Variants in TBCK observed in about 807,000 individuals in gnomAD.
TBCK encodes the protein TBC domain-containing protein kinase-like protein.
A neutral mutation model predicts 113.4 loss-of-function variants in TBCK; 99 were observed. The ratio of observed to expected loss-of-function variants is 0.87; its 90% CI spans 0.74 to 1.03. TBCK has a LOEUF of 1.03. TBCK is among the 50% of genes least tolerant of loss of function. The probability of loss-of-function intolerance (pLI) is 0.00; values close to 1 mark genes in which losing one functional copy is unlikely to be tolerated. For missense variants in TBCK, 1,045 were observed against 1,061.3 expected, an observed-to-expected ratio of 0.98 and a Z score of 0.21; for synonymous variants, 369 against 370.8, an observed-to-expected ratio of 1.00 and a Z score of 0.05.
chr4:106,278,125 G>T (rs536930279), intron 3 of TBCK, among the ~76,000 whole-genome samples: 26 of 152,136 alleles, frequency 1.7e-4, no homozygotes, highest in Non-Finnish European at 3.2e-4. Context: ...AGTAAATAAG[G>T]TAATATGAAG....
In TBCK at chr4:106,316,066, A is replaced by G. The variant is rs1168336241; in HGVS notation, c.-165T>C. The G allele has an allele frequency of 5.9e-5, 9 of 153,802 alleles. No homozygotes were observed. The allele number at this position is 153,802 out of a possible 1,614,324, so 9.5% of individuals were successfully genotyped here. A position where few individuals can be genotyped will look rare whatever the true frequency, so the allele number is the denominator to read the frequency against. On this transcript the variant is annotated 5_prime_UTR_variant, in exon 1 of 26. Coordinates refer to ENST00000394708, the MANE Select transcript of TBCK (RefSeq NM_001163435.3). ...GACGCTGCATTTCAGGTGCTCCTAC[A>G]AAAGAGGCCACTCCTGGAACGCCGG...
intron 24 of TBCK, among the ~76,000 whole-genome samples, chr4:106,114,031 T>C (rs1364898646): frequency 6.6e-6 from 1 of 152,228 alleles, no homozygotes; most frequent in Non-Finnish European, 1.5e-5. Flanking sequence ...GAAAAGAATG[T>C]GGCTAATTAT....
At chr4:106,223,373 C>T (rs1276949822) in intron 19 of TBCK, among the ~76,000 whole-genome samples, 1 of 152,040 alleles carries the variant, frequency 6.6e-6, no homozygotes, top group African/African-American at 2.4e-5. Flanking sequence ...TTTCTCCTTC[C>T]AAGAGTTACT....
At chr4:106,257,184 C>A (rs1269828017) in intron 5 of TBCK, among the ~76,000 whole-genome samples, 1 of 152,042 alleles carries the variant, frequency 6.6e-6, no homozygotes, top group Non-Finnish European at 1.5e-5. Flanking sequence ...GGAATAAGAA[C>A]CGTTTTAGAA....
At chr4:106,280,747 A>C (rs960781798) in intron 3 of TBCK, among the ~76,000 whole-genome samples, 1 of 152,050 alleles carries the variant, frequency 6.6e-6, no homozygotes, top group Admixed American at 6.6e-5. Flanking sequence ...TGTAAATGTA[A>C]GGATTTGTTT....
At chr4:106,297,290 C>G (rs1246687536) in intron 2 of TBCK, among the ~76,000 whole-genome samples, 1 of 152,200 alleles carries the variant, frequency 6.6e-6, no homozygotes, top group Non-Finnish European at 1.5e-5. Flanking sequence ...CAAACTTCAA[C>G]TTATAATTTA....
chr4:106,072,783 C>T (rs993699927), intron 25 of TBCK, among the ~76,000 whole-genome samples: 2 of 152,130 alleles, frequency 1.3e-5, no homozygotes, highest in Admixed American at 6.5e-5. Context: ...TTCTTGGAGG[C>T]TTTGTTCGTT....
chr4:106,306,177 C>T (rs1202128778), intron 2 of TBCK, among the ~76,000 whole-genome samples: 1 of 151,872 alleles, frequency 6.6e-6, no homozygotes, highest in Non-Finnish European at 1.5e-5. Context: ...ACAAATGATC[C>T]TCCTGCCTCA....
rs199827883 is a variant in TBCK at position 106,193,669 on chromosome 4, G to A, written c.1999C>T (p.Arg667Trp). 9.3e-6 allele frequency: 15 copies of A among 1,613,256 alleles called. No homozygotes were observed. The highest frequency in any genetic ancestry group is 6.7e-5 in the African/African-American group (5 of 74,846). Reference protein sequence around the residue: ...CIGVAILQQLRDRLLANGFNE... With the variant: ...CIGVAILQQLWDRLLANGFNE... Reference sequence around the variant, plus strand: ...AAGCCATTAGCCAAAAGCCGGTCCCGCAGCTGCTGAAGAATTGCTACTCCA... The same window carrying A: ...AAGCCATTAGCCAAAAGCCGGTCCCACAGCTGCTGAAGAATTGCTACTCCA... The change falls in exon 22 of 26, where the codon CGG becomes TGG. Residue 667 changes from arginine to tryptophan, a missense_variant. Transcript: ENST00000394708.
At chr4:106,290,781 A>G (rs1027344742) in intron 3 of TBCK, among the ~76,000 whole-genome samples, 13 of 152,126 alleles carry the variant, frequency 8.5e-5, no homozygotes, top group Non-Finnish European at 1.8e-4. Context: ...CCATCGCTAC[A>G]TTACCACCTG....
At chr4:106,254,987 T>TG (rs1226215708) in intron 5 of TBCK, 2 of 232,618 alleles carry the variant, frequency 8.6e-6, no homozygotes, top group African/African-American at 4.7e-5. Context: ...TCTTTGTAGG[T>TG]GTTTGTTCTT....
At chr4:106,289,981 A>G (rs1441033517) in intron 3 of TBCK, among the ~76,000 whole-genome samples, 4 of 152,276 alleles carry the variant, frequency 2.6e-5, no homozygotes, top group Middle Eastern at 6.8e-3. Flanking sequence ...TTGTAAATGC[A>G]TATTTTCATC....
chr4:106,100,181 CTTCT>C (rs1741385823), intron 24 of TBCK, among the ~76,000 whole-genome samples: 1 of 152,152 alleles, frequency 6.6e-6, no homozygotes, highest in Non-Finnish European at 1.5e-5. Flanking sequence ...ATGAAAATGA[CTTCT>C]ATCTAAACAA....
intron 20 of TBCK, among the ~76,000 whole-genome samples, chr4:106,200,574 C>T (rs1172448657): frequency 1.3e-5 from 2 of 152,072 alleles, no homozygotes; most frequent in East Asian, 1.9e-4. Context: ...CTCTTCTTTA[C>T]CTGAGCACAT....
At chr4:106,080,921 G>C (rs960376011) in intron 25 of TBCK, among the ~76,000 whole-genome samples, 26 of 152,288 alleles carry the variant, frequency 1.7e-4, no homozygotes, top group African/African-American at 6.3e-4. Flanking sequence ...AAGGAAGAAA[G>C]CTCAACATCA....
At chr4:106,086,693 G>C (rs914991866) in intron 25 of TBCK, among the ~76,000 whole-genome samples, 9 of 152,098 alleles carry the variant, frequency 5.9e-5, no homozygotes, top group Non-Finnish European at 1.3e-4. Flanking sequence ...ATAAAATACT[G>C]GCAAACCCAA....
Position 106,231,883 on chromosome 4 carries a change from A to T in TBCK, c.1640-104T>A. ...TTTGCATTACCTCCAAGTAGATTAA[A>T]CATTAGAAGTATTATCCATCCAGAA... On this transcript the variant is annotated intron_variant, in intron 17 of 25. Transcript: ENST00000394708. 15 of 1,005,922 alleles carry T rather than the reference A, an allele frequency of 1.5e-5. No individual in the cohort carries two copies. The South Asian group carries it at 2.2e-4, about 15-fold the overall frequency. The allele number at this position is 1,005,922 out of a possible 1,614,324, so 62.3% of individuals were successfully genotyped here. A position where few individuals can be genotyped will look rare whatever the true frequency, so the allele number is the denominator to read the frequency against.
intron 3 of TBCK, among the ~76,000 whole-genome samples, chr4:106,272,829 C>T (rs1284293761): frequency 1.3e-5 from 2 of 152,084 alleles, no homozygotes; most frequent in African/African-American, 2.4e-5. Context: ...GGGTATTTTG[C>T]ATATAGCAAA....
At chr4:106,313,231 T>A (rs538075254) in intron 1 of TBCK, among the ~76,000 whole-genome samples, 1 of 152,258 alleles carries the variant, frequency 6.6e-6, no homozygotes, top group East Asian at 1.9e-4. Flanking sequence ...GGCATTCTCA[T>A]CAGCAATAAT....
Sources: gnomAD v4.1 joint callset for allele counts (sites outside exome capture counted in the v4.1 genomes callset) on GRCh38, gnomAD v4.1.1 for gene constraint, MANE v1.5 for transcripts, NCBI Gene and HGNC (gene_info 2026-07-23, HGNC 2026-07-21) for gene names.